Variants in FAM168A observed in about 807,000 individuals in gnomAD.
FAM168A encodes the protein protein FAM168A.
A neutral mutation model predicts 28.5 loss-of-function variants in FAM168A; 3 were observed. That is an observed-to-expected ratio of 0.11 (90% CI 0.05 to 0.27). The LOEUF (loss-of-function observed/expected upper bound fraction) is 0.27, where lower values mean the gene tolerates loss of function less well. FAM168A is among the 10% of genes least tolerant of loss of function. The pLI, the probability that FAM168A is intolerant of heterozygous loss-of-function variation, is 1.00. For synonymous variants in FAM168A, 122 were observed against 124.2 expected (o/e 0.98, Z 0.12); for missense variants, 222 against 311.5 (o/e 0.71, Z 2.16).
chr11:73,412,384 G>A (rs1355086569), intron 4 of FAM168A: 2 of 152,184 alleles, frequency 1.3e-5, no homozygotes, highest in African/African-American at 4.8e-5. Context: ...ACAAAAGCTG[G>A]AGCTAAGAAT....
At chr11:73,497,574 G>A (rs1158180356) in intron 1 of FAM168A, among the ~76,000 whole-genome samples, 3 of 152,152 alleles carry the variant, frequency 2.0e-5, no homozygotes, top group Admixed American at 6.5e-5. Context: ...TACTTGATAT[G>A]TGGCTATTGA....
chr11:73,571,967 G>A (rs543263014), intron 1 of FAM168A, among the ~76,000 whole-genome samples: 11,342 of 146,022 alleles, frequency 0.078, 544 homozygotes, highest in Non-Finnish European at 0.11. Context: ...GGTGAGGAGC[G>A]TCTCTGCCCA....
intron 1 of FAM168A, among the ~76,000 whole-genome samples, chr11:73,582,582 T>C (rs1944261138): frequency 6.6e-6 from 1 of 152,196 alleles, no homozygotes; most frequent in Non-Finnish European, 1.5e-5. Flanking sequence ...TCTCAATCTT[T>C]CTACCATCAA....
chr11:73,514,703 T>C (rs1044926809), intron 1 of FAM168A, among the ~76,000 whole-genome samples: 2 of 152,066 alleles, frequency 1.3e-5, no homozygotes, highest in Admixed American at 6.5e-5. Context: ...CATGGTGGTG[T>C]GCTCCTGTAG....
chr11:73,406,841 T>G (rs1193222738), intron 7 of FAM168A, 97 bp from the exon 8 acceptor site: 1 of 152,410 alleles, frequency 6.6e-6, no homozygotes, highest in Non-Finnish European at 1.5e-5. Flanking sequence ...TGAAGCTGCC[T>G]GCCTCCCGCC....
At chr11:73,540,801 T>A (rs74463787) in intron 1 of FAM168A, among the ~76,000 whole-genome samples, 4,518 of 152,216 alleles carry the variant, frequency 0.03, 222 homozygotes, top group African/African-American at 0.1. Flanking sequence ...TTTCCCCCAC[T>A]AGAATGAAAG....
At chr11:73,478,035 A>G (rs1439703334) in intron 1 of FAM168A, among the ~76,000 whole-genome samples, 1 of 152,172 alleles carries the variant, frequency 6.6e-6, no homozygotes, top group Non-Finnish European at 1.5e-5. Flanking sequence ...AACAACTATA[A>G]AACTGAATTG....
chr11:73,425,822 G>C (rs1866875966), intron 3 of FAM168A, among the ~76,000 whole-genome samples: 1 of 152,236 alleles, frequency 6.6e-6, no homozygotes, highest in South Asian at 2.1e-4. Context: ...TTGGCCTCAA[G>C]GGATCCCCCC....
chr11:73,422,400 A>C (rs966556007), intron 3 of FAM168A, among the ~76,000 whole-genome samples: 7 of 152,228 alleles, frequency 4.6e-5, no homozygotes, highest in African/African-American at 7.2e-5. Flanking sequence ...TATAATTTAC[A>C]TAACTAGATA....
chr11:73,468,534 C>A, intron 1 of FAM168A, 42 bp from the exon 2 acceptor site: 1 of 1,448,440 alleles, frequency 6.9e-7, no homozygotes, highest in South Asian at 1.2e-5. Flanking sequence ...ATTGATTGTT[C>A]ATTCTTCCTG....
At chr11:73,407,417 C>G in intron 7 of FAM168A, 96 bp downstream of exon 7, 1 of 730,478 alleles carries the variant, frequency 1.4e-6, no homozygotes, top group Non-Finnish European at 2.1e-6. Flanking sequence ...TGTTACCTGC[C>G]CTAGCTGACA....
chr11:73,508,803 C>G (rs565441631), intron 1 of FAM168A, among the ~76,000 whole-genome samples: 1 of 152,154 alleles, frequency 6.6e-6, no homozygotes, highest in African/African-American at 2.4e-5. Context: ...AAGGGTAAGA[C>G]AGAAGAAAAA....
At chr11:73,563,278 G>T (rs1017602044) in intron 1 of FAM168A, among the ~76,000 whole-genome samples, 7 of 152,094 alleles carry the variant, frequency 4.6e-5, no homozygotes, top group African/African-American at 1.7e-4. Context: ...AACAATTTCA[G>T]CTCTCCCGTT....
intron 2 of FAM168A, among the ~76,000 whole-genome samples, chr11:73,449,819 C>G (rs2134545238): frequency 6.6e-6 from 1 of 152,332 alleles, no homozygotes; most frequent in East Asian, 1.9e-4. Context: ...CAAAGCTTCT[C>G]CTTGGTAGAC....
At chr11:73,590,025 A>G (rs1944363501) in intron 1 of FAM168A, among the ~76,000 whole-genome samples, 1 of 152,216 alleles carries the variant, frequency 6.6e-6, no homozygotes, top group African/African-American at 2.4e-5. Context: ...GGCAGATCCA[A>G]TAAGATACTA....
chr11:73,553,085 TATG>T (rs1203730634), intron 1 of FAM168A, among the ~76,000 whole-genome samples: 1 of 152,144 alleles, frequency 6.6e-6, no homozygotes, highest in East Asian at 1.9e-4. Context: ...ATCAAGCCCA[TATG>T]ATAAGAAAGG....
intron 2 of FAM168A, among the ~76,000 whole-genome samples, chr11:73,449,319 C>G (rs1049830376): frequency 6.6e-6 from 1 of 152,086 alleles, no homozygotes; most frequent in Non-Finnish European, 1.5e-5. Context: ...GCATTTATAA[C>G]TGATGCATAG....
intron 2 of FAM168A, among the ~76,000 whole-genome samples, chr11:73,455,518 C>T (rs1867515147): frequency 6.6e-6 from 1 of 152,228 alleles, no homozygotes; most frequent in African/African-American, 2.4e-5. Context: ...TACAGTGGCA[C>T]ATCCCTCTGA....
At chr11:73,588,021 A>G (rs551875619) in intron 1 of FAM168A, among the ~76,000 whole-genome samples, 3 of 152,122 alleles carry the variant, frequency 2.0e-5, no homozygotes, top group Admixed American at 1.3e-4. Context: ...AAGTGCTGGG[A>G]TTACAGACGT....
Sources: allele counts gnomAD v4.1 joint callset (sites outside exome capture counted in the v4.1 genomes callset), GRCh38; gene constraint gnomAD v4.1.1; transcripts MANE v1.5; gene names NCBI Gene and HGNC (gene_info 2026-07-23, HGNC 2026-07-21).